Variants in ATF3 observed in about 807,000 individuals in gnomAD.
ATF3 encodes cyclic AMP-dependent transcription factor ATF-3.
Under a neutral mutation model 18.4 loss-of-function variants are expected in ATF3, and 10 were observed. The ratio of observed to expected loss-of-function variants is 0.54; its 90% CI spans 0.34 to 0.92. ATF3 has a LOEUF of 0.92. ATF3 is among the 40% of genes least tolerant of loss of function. The probability of loss-of-function intolerance (pLI) is 0.02; values close to 1 mark genes in which losing one functional copy is unlikely to be tolerated. For synonymous variants in ATF3, 78 were observed against 87.9 expected, an observed-to-expected ratio of 0.89 and a Z score of 0.63; for missense variants, 183 against 222.3, an observed-to-expected ratio of 0.82 and a Z score of 1.12.
At chr1:212,601,427 A>G (rs1031507270) in intron 1 of ATF3, among the ~76,000 whole-genome samples, 1 of 152,226 alleles carries the variant, frequency 6.6e-6, no homozygotes, top group Non-Finnish European at 1.5e-5. Flanking sequence ...GCTCATTTTC[A>G]ACAAGGTAGG....
chr1:212,588,084 A>G (rs1211854079), intron 1 of ATF3, among the ~76,000 whole-genome samples: 3 of 152,024 alleles, frequency 2.0e-5, no homozygotes, highest in African/African-American at 7.3e-5. Flanking sequence ...GTCTGACTCA[A>G]TTTTGCTTTC....
In ATF3 at chr1:212,592,475, T is replaced by G. The variant is rs182418301; in HGVS notation, c.-4-22543T>G. Among the ~76,000 whole-genome samples the G allele has an allele frequency of 3.4e-3, 403 of 117,384 alleles. 2 individuals are homozygous for G. Among genetic ancestry groups the G allele is most frequent in the Non-Finnish European group, 4.5e-3 (246 of 54,120 alleles). The allele number at this position is 117,384 out of a possible 152,430, so 77.0% of individuals were successfully genotyped here. A position where few individuals can be genotyped will look rare whatever the true frequency, so the allele number is the denominator to read the frequency against. ...AGACAGAATCAGGATCCTAACAAGG[T>G]CCACACATTATATTTGGTTGATATG... is the stretch of plus-strand genomic sequence containing the variant. On this transcript the variant is annotated intron_variant, in intron 1 of 3. Coordinates refer to the ATF3 transcript ENST00000366981.
At chr1:212,576,431 T>G (rs1197323498) in intron 1 of ATF3, among the ~76,000 whole-genome samples, 1 of 151,826 alleles carries the variant, frequency 6.6e-6, no homozygotes, top group African/African-American at 2.4e-5. Context: ...ATTTCTTTCA[T>G]TCTTCTCTTA....
chr1:212,599,540 A>G (rs1402052804), intron 1 of ATF3, among the ~76,000 whole-genome samples: 1 of 152,126 alleles, frequency 6.6e-6, no homozygotes, highest in Non-Finnish European at 1.5e-5. Context: ...TTAGGCCCCA[A>G]CCTGGCTCTT....
At chr1:212,576,860 T>C (rs1318893245) in intron 1 of ATF3, among the ~76,000 whole-genome samples, 1 of 151,132 alleles carries the variant, frequency 6.6e-6, no homozygotes, top group Non-Finnish European at 1.5e-5. Context: ...CCCGAGTAGA[T>C]GGGATTACAG....
chr1:212,575,277 T>G (rs1050922220), intron 1 of ATF3, among the ~76,000 whole-genome samples: 1 of 152,118 alleles, frequency 6.6e-6, no homozygotes, highest in African/African-American at 2.4e-5. Flanking sequence ...TTTAACAAAT[T>G]TATTTCTAGG....
At chr1:212,610,819 C>T (rs1389068928) in intron 1 of ATF3, among the ~76,000 whole-genome samples, 1 of 152,148 alleles carries the variant, frequency 6.6e-6, no homozygotes, top group African/African-American at 2.4e-5. Context: ...TTGAGGCGGT[C>T]GATACCTATT....
At chr1:212,573,407 T>C (rs1355995774) in intron 1 of ATF3, among the ~76,000 whole-genome samples, 2 of 152,076 alleles carry the variant, frequency 1.3e-5, no homozygotes, top group African/African-American at 4.8e-5. Context: ...ATTATACTAT[T>C]GGATTTTAAA....
At chr1:212,612,705 G>A (rs1230279540) in intron 1 of ATF3, among the ~76,000 whole-genome samples, 1 of 152,188 alleles carries the variant, frequency 6.6e-6, no homozygotes, top group Non-Finnish European at 1.5e-5. Context: ...GGGTTTCTTT[G>A]ACTAGTCAAG....
Position 212,619,305 on chromosome 1 carries a change from C to G in ATF3, c.349-53C>G. 6.2e-7 allele frequency: 1 copy of G among 1,612,096 alleles called. No homozygotes were observed. On this transcript the variant is annotated intron_variant, in intron 3 of 3. Transcript: ENST00000341491. This position sits in a 1 kb window ranked among gnomAD's most constrained non-coding sequence, Gnocchi z 4.4. ...TCCAGGCAGCAGCCCAGGCCACCCC[C>G]TCCTCACTGGCCCTTGGCTCCTTTC...
chr1:212,592,628 A>C (rs1293086245), intron 1 of ATF3, among the ~76,000 whole-genome samples: 4 of 151,774 alleles, frequency 2.6e-5, no homozygotes. Context: ...TTACATCCTC[A>C]GCATTGTTTA....
chr1:212,603,927 A>G (rs967829718), upstream of ATF3, among the ~76,000 whole-genome samples: 1 of 152,198 alleles, frequency 6.6e-6, no homozygotes, highest in African/African-American at 2.4e-5. Context: ...ATCTAAAATC[A>G]TAACTGTATT....
chr1:212,588,003 T>C (rs1350148176), intron 1 of ATF3, among the ~76,000 whole-genome samples: 1 of 151,964 alleles, frequency 6.6e-6, no homozygotes, highest in Non-Finnish European at 1.5e-5. Context: ...AGACTCAGCA[T>C]GTGGGGTGAC....
At chr1:212,616,704 G>A (rs925652723) in intron 2 of ATF3, among the ~76,000 whole-genome samples, 12 of 152,204 alleles carry the variant, frequency 7.9e-5, no homozygotes, top group African/African-American at 2.4e-4. Context: ...AGGAATCCAC[G>A]TGAGTCAGGG....
intron 1 of ATF3, among the ~76,000 whole-genome samples, chr1:212,580,495 A>G (rs952506425): frequency 2.0e-5 from 3 of 152,034 alleles, no homozygotes; most frequent in Non-Finnish European, 2.9e-5. Context: ...TTGTATTTTT[A>G]GTAGAGACTG....
At chr1:212,611,106 C>T (rs1251545354) in intron 1 of ATF3, among the ~76,000 whole-genome samples, 1 of 152,158 alleles carries the variant, frequency 6.6e-6, no homozygotes, top group African/African-American at 2.4e-5. Context: ...AAGGACATAG[C>T]CAAGATGCCT....
At chr1:212,609,214 C>G (rs764220844) in intron 1 of ATF3, among the ~76,000 whole-genome samples, 4 of 152,264 alleles carry the variant, frequency 2.6e-5, no homozygotes, top group Admixed American at 6.5e-5. Flanking sequence ...CCGCCAGCCT[C>G]GAGCGCCGCT....
chr1:212,565,452 T>C (rs974432940), exon 1 of ATF3: 16 of 152,196 alleles, frequency 1.1e-4, no homozygotes, highest in African/African-American at 3.9e-4. Context: ...CTCTGCTGTT[T>C]CCTAAGGATT....
intron 1 of ATF3, among the ~76,000 whole-genome samples, chr1:212,583,058 C>T (rs1405246986): frequency 6.6e-6 from 1 of 152,106 alleles, no homozygotes; most frequent in African/African-American, 2.4e-5. Context: ...ATGGAATGTT[C>T]TAGGGGAGAG....
Sources: gnomAD v4.1 joint callset for allele counts (sites outside exome capture counted in the v4.1 genomes callset) on GRCh38, gnomAD v4.1.1 for gene constraint, Gnocchi (gnomAD v3.1) non-coding constraint, MANE v1.5 for transcripts, NCBI Gene and HGNC (gene_info 2026-07-23, HGNC 2026-07-21) for gene names.